Variants in RAB6B observed in about 807,000 individuals in gnomAD.
RAB6B encodes RAB6B, member RAS oncogene family.
A neutral mutation model predicts 31.2 loss-of-function variants in RAB6B; 7 were observed. That is an observed-to-expected ratio of 0.22 (90% CI 0.13 to 0.42). The LOEUF is 0.42. RAB6B is among the 10% of genes least tolerant of loss of function. The pLI is 1.00. For synonymous variants in RAB6B, 105 were observed against 104.9 expected, an observed-to-expected ratio of 1.00 and a Z score of -0.01; for missense variants, 149 against 280.6, an observed-to-expected ratio of 0.53 and a Z score of 3.35.
At chr3:133,893,692 A>T (rs1936667618) in intron 1 of RAB6B, among the ~76,000 whole-genome samples, 1 of 152,190 alleles carries the variant, frequency 6.6e-6, no homozygotes, top group South Asian at 2.1e-4. Context: ...ACCATTTTTC[A>T]GAGACAGAAA....
chr3:133,828,145 G>C lies in RAB6B; in HGVS notation c.*643C>G. 1 of 607,004 alleles carries C rather than the reference G, an allele frequency of 1.6e-6. No individual in the cohort carries two copies. The highest frequency in any genetic ancestry group is 1.9e-5 in the South Asian group (1 of 51,398). The allele number at this position is 607,004 out of a possible 1,614,324, so 37.6% of individuals were successfully genotyped here. ...GCTGCCGGGCTGCCTAGAGCCCACAGACCTTGGTCTCAGCTCCACACGAGG... is the reference window on the plus strand; with the variant it reads ...GCTGCCGGGCTGCCTAGAGCCCACACACCTTGGTCTCAGCTCCACACGAGG... On this transcript the variant is annotated 3_prime_UTR_variant, in exon 8 of 8. Transcript: ENST00000285208.
intron 2 of RAB6B, among the ~76,000 whole-genome samples, 198 bp downstream of exon 2, chr3:133,864,386 C>T (rs2039522152): frequency 6.6e-6 from 1 of 152,100 alleles, no homozygotes; most frequent in Non-Finnish European, 1.5e-5. Flanking sequence ...AAAAATGTTC[C>T]CTTTACCGAG....
intron 7 of RAB6B, among the ~76,000 whole-genome samples, chr3:133,831,688 C>T (rs377620066): frequency 6.6e-5 from 10 of 152,206 alleles, no homozygotes; most frequent in African/African-American, 2.4e-4. Flanking sequence ...GGGAAACTCA[C>T]GGTTTCTCAC....
chr3:133,846,185 G>A (rs1022665892), intron 2 of RAB6B, among the ~76,000 whole-genome samples: 1 of 152,238 alleles, frequency 6.6e-6, no homozygotes, highest in Non-Finnish European at 1.5e-5. Flanking sequence ...GGTGGCTCAT[G>A]CCTGTAATCC....
At chr3:133,889,411 T>C (rs1379393897) in intron 1 of RAB6B, among the ~76,000 whole-genome samples, 17 of 46,618 alleles carry the variant, frequency 3.6e-4, no homozygotes, top group Non-Finnish European at 5.3e-4. Flanking sequence ...TATATATATA[T>C]ATATATATAT....
At chr3:133,867,632 G>C (rs1219744446) in intron 1 of RAB6B, among the ~76,000 whole-genome samples, 2 of 152,166 alleles carry the variant, frequency 1.3e-5, no homozygotes, top group Non-Finnish European at 1.5e-5. Context: ...GCGCTCCAGG[G>C]AACAGCCCGT....
intron 6 of RAB6B, among the ~76,000 whole-genome samples, chr3:133,835,342 TG>T (rs776511534): frequency 6.6e-6 from 1 of 151,932 alleles, no homozygotes; most frequent in Non-Finnish European, 1.5e-5. Context: ...TGTAAGCATA[TG>T]GGGGAATGTT....
In RAB6B at chr3:133,857,448, A is replaced by G. The variant is rs985648615; in HGVS notation, c.129+7136T>C. Among the ~76,000 whole-genome samples, 2 of 133,958 alleles carry G rather than the reference A, an allele frequency of 1.5e-5. 1 individual carries two copies. The highest frequency in any genetic ancestry group is 4.8e-4 in the South Asian group (2 of 4,136). 87.9% of individuals were successfully genotyped at this position (133,958 alleles called of 152,430 possible). A position where few individuals can be genotyped will look rare whatever the true frequency, so the allele number is the denominator to read the frequency against. ...AGGGAAAAAAAAAAAAAAAAAAAAA[A>G]GGACTGAGGCATAGGGGACATTCTG... On this transcript the variant is annotated intron_variant, in intron 2 of 7. Coordinates refer to ENST00000285208, the MANE Select transcript of RAB6B (RefSeq NM_016577.4).
intron 1 of RAB6B, among the ~76,000 whole-genome samples, chr3:133,877,170 T>C (rs566874675): frequency 2.0e-5 from 3 of 152,240 alleles, no homozygotes; most frequent in Admixed American, 2.0e-4. Flanking sequence ...GTTGAAAGGA[T>C]AGGGCTGAGG....
chr3:133,850,272 G>A (rs1208165873), intron 2 of RAB6B, among the ~76,000 whole-genome samples: 1 of 152,054 alleles, frequency 6.6e-6, no homozygotes, highest in African/African-American at 2.4e-5. Flanking sequence ...GGAACAAACA[G>A]AATCCACAGT....
chr3:133,878,802 TAAGAAAAATATTGTCA>T (rs1553749144), intron 1 of RAB6B, among the ~76,000 whole-genome samples: 1 of 152,142 alleles, frequency 6.6e-6, no homozygotes, highest in Non-Finnish European at 1.5e-5. Flanking sequence ...TGCAATACTA[TAAGAAAAATATTGTCA>T]ACACAGAATT....
chr3:133,833,004 A>G (rs1180216633), intron 7 of RAB6B, among the ~76,000 whole-genome samples: 2 of 152,006 alleles, frequency 1.3e-5, no homozygotes, highest in Non-Finnish European at 2.9e-5. Flanking sequence ...ATCACCACTC[A>G]CCCCGGCCAG....
At position 133,895,401 on chromosome 3, in the gene RAB6B, C is replaced by T. The variant is rs1936695113; in HGVS notation, c.66G>A (p.Gln22=). Residue 22 remains glutamine (Q), a synonymous_variant, in exon 1 of 8, where the codon CAG becomes CAA. Coordinates refer to ENST00000285208, the MANE Select transcript of RAB6B (RefSeq NM_016577.4). The part of the protein sequence containing the change: ...RKFKLVFLGE[Q]SVGKTSLITR... ...GAGATTAAGCCGGGTACTTACCGCT[C>T]TGCTCCCCCAAGAACACCAACTTGA... is the stretch of plus-strand genomic sequence containing the variant. The T allele has an allele frequency of 1.9e-6, 3 of 1,611,724 alleles. No individual in the cohort carries two copies. The highest frequency in any genetic ancestry group is 1.7e-5 in the Admixed American group (1 of 59,612).
At chr3:133,832,383 G>GC (rs1390530998) in intron 7 of RAB6B, among the ~76,000 whole-genome samples, 4 of 152,114 alleles carry the variant, frequency 2.6e-5, no homozygotes, top group African/African-American at 7.2e-5. Flanking sequence ...AGGTGCAGCA[G>GC]CCCCCCATCT....
rs977827408 is a variant in RAB6B at position 133,824,510 on chromosome 3, G to C, written c.*4278C>G. On this transcript the variant is annotated 3_prime_UTR_variant, in exon 8 of 8. Coordinates refer to ENST00000285208, the MANE Select transcript of RAB6B (RefSeq NM_016577.4). ...TGAAGGAACCATCTAAACCCCTGCT[G>C]CAAGGATTTCCTGATGAAACCACAC... 10 of 152,350 alleles carry C rather than the reference G, an allele frequency of 6.6e-5. No individual in the cohort carries two copies. The highest frequency in any genetic ancestry group is 5.2e-4 in the Admixed American group (8 of 15,304). The allele number at this position is 152,350 out of a possible 1,614,324, so 9.4% of individuals were successfully genotyped here.
At position 133,882,741 on chromosome 3, in the gene RAB6B, G is replaced by A. The variant is rs758766262; in HGVS notation, c.70+12656C>T. 1.1e-4 allele frequency among the ~76,000 whole-genome samples: 17 copies of A among 152,226 alleles called. 1 individual carries two copies. Among genetic ancestry groups the A allele is most frequent in the South Asian group, 2.1e-4 (1 of 4,832 alleles). Reference sequence around the variant, plus strand: ...GCCCAGGCCACAACTCCAGCTGAGTGTGGTCTTCTTGCTACATGATAGAGG... The same window carrying A: ...GCCCAGGCCACAACTCCAGCTGAGTATGGTCTTCTTGCTACATGATAGAGG... On this transcript the variant is annotated intron_variant, in intron 1 of 7. Transcript: ENST00000285208.
chr3:133,894,006 T>C (rs538990490), intron 1 of RAB6B, among the ~76,000 whole-genome samples: 120 of 152,330 alleles, frequency 7.9e-4, no homozygotes, highest in African/African-American at 2.4e-3. Context: ...CACTACCTTC[T>C]AACGTCCTTC....
intron 2 of RAB6B, among the ~76,000 whole-genome samples, chr3:133,852,479 T>TTC (rs1222425554): frequency 1.3e-5 from 2 of 150,872 alleles, no homozygotes; most frequent in African/African-American, 2.4e-5. Context: ...CTTTTTCTTT[T>TTC]TTTTTTTTTG....
At chr3:133,876,488 A>C (rs1936398536) in intron 1 of RAB6B, among the ~76,000 whole-genome samples, 1 of 152,222 alleles carries the variant, frequency 6.6e-6, no homozygotes, top group Admixed American at 6.5e-5. Flanking sequence ...GCTGAGAGAG[A>C]TAAAATATAA....
Sources: gnomAD v4.1 joint callset for allele counts (sites outside exome capture counted in the v4.1 genomes callset) on GRCh38, gnomAD v4.1.1 for gene constraint, MANE v1.5 for transcripts, NCBI Gene and HGNC (gene_info 2026-07-23, HGNC 2026-07-21) for gene names.